GALNT13: variants seen among roughly 807,000 people sequenced by gnomAD.
GALNT13 encodes polypeptide N-acetylgalactosaminyltransferase 13.
In GALNT13, 28 loss-of-function variants were observed where a neutral mutation model predicts 64.2. The observed-to-expected ratio is 0.44, with a 90% CI of 0.32 to 0.60. The LOEUF is 0.60. Ranked by LOEUF, GALNT13 falls within the 20% of genes least tolerant of loss-of-function variation. The pLI, the probability that GALNT13 is intolerant of heterozygous loss-of-function variation, is 0.05. For synonymous variants in GALNT13, 214 were observed against 224.6 expected, an observed-to-expected ratio of 0.95 and a Z score of 0.42; for missense variants, 577 against 669.8, an observed-to-expected ratio of 0.86 and a Z score of 1.53.
chr2:153,216,939 C>T, the GALNT13 span, among the ~76,000 whole-genome samples: 2 of 151,892 alleles, frequency 1.3e-5, no homozygotes, highest in African/African-American at 4.8e-5. Flanking sequence ...TTAGGTTTTA[C>T]ATTTAGTTCT....
the GALNT13 span, among the ~76,000 whole-genome samples, chr2:153,540,923 A>C: frequency 1.3e-5 from 2 of 152,088 alleles, no homozygotes; most frequent in Non-Finnish European, 2.9e-5. Flanking sequence ...CTCAGATGAG[A>C]CTTTGGACTT....
the GALNT13 span, among the ~76,000 whole-genome samples, chr2:153,209,805 A>G: frequency 2.0e-5 from 3 of 152,260 alleles, no homozygotes; most frequent in African/African-American, 7.2e-5. Flanking sequence ...GTTTGAGAAC[A>G]GTGTTTCTTT....
chr2:154,033,131 A>T (rs933157876), intron 3 of GALNT13, among the ~76,000 whole-genome samples: 1 of 151,942 alleles, frequency 6.6e-6, no homozygotes, highest in Non-Finnish European at 1.5e-5. Flanking sequence ...AGAGATCTAT[A>T]TCTAAAAAAT....
At chr2:153,867,745 A>T (rs543272625), upstream of GALNT13, among the ~76,000 whole-genome samples, 15 of 151,902 alleles carry the variant, frequency 9.9e-5, no homozygotes, top group South Asian at 1.9e-3. Flanking sequence ...ATAGTGACAG[A>T]TCATCAGGCA....
the GALNT13 span, among the ~76,000 whole-genome samples, chr2:153,364,519 T>C: frequency 6.6e-6 from 1 of 152,346 alleles, no homozygotes; most frequent in South Asian, 2.1e-4. Flanking sequence ...CATAAGCTGA[T>C]AAGCAACTTC....
the GALNT13 span, among the ~76,000 whole-genome samples, chr2:153,357,068 A>G: frequency 6.6e-6 from 1 of 152,100 alleles, no homozygotes. Context: ...TTGGCCTCCC[A>G]AAGTGCTGGG....
intron 3 of GALNT13, among the ~76,000 whole-genome samples, chr2:153,977,271 A>C (rs1558885317): frequency 6.6e-6 from 1 of 152,154 alleles, no homozygotes; most frequent in African/African-American, 2.4e-5. Flanking sequence ...TTACCATGCT[A>C]CTTGTATTAG....
At chr2:154,418,856 C>T (rs1700136196) in intron 11 of GALNT13, among the ~76,000 whole-genome samples, 1 of 152,140 alleles carries the variant, frequency 6.6e-6, no homozygotes, top group South Asian at 2.1e-4. Flanking sequence ...CATCCTGATA[C>T]TTCTAAACAT....
the GALNT13 span, among the ~76,000 whole-genome samples, chr2:153,098,056 A>T: frequency 6.6e-6 from 1 of 152,176 alleles, no homozygotes; most frequent in South Asian, 2.1e-4. Flanking sequence ...ACAGAGTGAG[A>T]CTCCGTCTCA....
At chr2:154,410,736 C>T (rs183972268) in intron 11 of GALNT13, among the ~76,000 whole-genome samples, 2 of 149,584 alleles carry the variant, frequency 1.3e-5, no homozygotes, top group Non-Finnish European at 3.0e-5. Flanking sequence ...GTTTGAACAA[C>T]TTATGGCAAA....
the GALNT13 span, among the ~76,000 whole-genome samples, chr2:153,480,840 CCTT>C: frequency 3.2e-4 from 49 of 152,212 alleles, no homozygotes; most frequent in East Asian, 7.3e-3. Flanking sequence ...ATGGAGAGCC[CCTT>C]CTTTATGTGA....
the GALNT13 span, among the ~76,000 whole-genome samples, chr2:153,655,195 G>C: frequency 6.6e-6 from 1 of 152,088 alleles, no homozygotes; most frequent in Non-Finnish European, 1.5e-5. Context: ...AGATTGTAGA[G>C]TTGATTTATT....
the GALNT13 span, among the ~76,000 whole-genome samples, chr2:153,511,506 G>A: frequency 3.3e-5 from 5 of 152,120 alleles, no homozygotes; most frequent in Non-Finnish European, 5.9e-5. Flanking sequence ...CCAGGCAGGG[G>A]AATGCGTTAG....
chr2:153,905,886 A>G lies in GALNT13; in HGVS notation c.-105+4879A>G, dbSNP rs114765509. On this transcript the variant is annotated intron_variant, in intron 2 of 12. Coordinates refer to ENST00000392825, the MANE Select transcript of GALNT13 (RefSeq NM_052917.4). The stretch of plus-strand genomic sequence containing the variant: ...TACAAACACTGTGATAACTTTAGCA[A>G]TCAATCTGATAACCGATATGGCTAC... Among the ~76,000 whole-genome samples, 387 of 152,066 alleles carry G rather than the reference A, an allele frequency of 2.5e-3. 4 individuals carry two copies. Among genetic ancestry groups the G allele is most frequent in the African/African-American group, 8.5e-3 (353 of 41,540 alleles).
chr2:153,773,330 T>C, the GALNT13 span, among the ~76,000 whole-genome samples: 15 of 152,294 alleles, frequency 9.8e-5, no homozygotes, highest in South Asian at 3.1e-3. Context: ...ACAGAACTAG[T>C]TCTGGCACTT....
chr2:153,909,840 G>A (rs1688821935), intron 2 of GALNT13, among the ~76,000 whole-genome samples: 1 of 152,002 alleles, frequency 6.6e-6, no homozygotes, highest in African/African-American at 2.4e-5. Flanking sequence ...CTGGTATTTT[G>A]TTGAGGATTT....
At chr2:153,258,873 G>T in the GALNT13 span, among the ~76,000 whole-genome samples, 1 of 152,068 alleles carries the variant, frequency 6.6e-6, no homozygotes, top group African/African-American at 2.4e-5. Context: ...CTAACATATG[G>T]TCTATCCTTG....
intron 3 of GALNT13, among the ~76,000 whole-genome samples, chr2:153,985,003 A>G (rs1390541579): frequency 6.6e-6 from 1 of 151,974 alleles, no homozygotes; most frequent in Non-Finnish European, 1.5e-5. Flanking sequence ...CATTTGAGGA[A>G]GTTCCTTAAT....
At chr2:154,418,956 T>C (rs890079789) in intron 11 of GALNT13, among the ~76,000 whole-genome samples, 1 of 152,116 alleles carries the variant, frequency 6.6e-6, no homozygotes, top group Non-Finnish European at 1.5e-5. Context: ...TTAGAGATTC[T>C]ATTTTAACTC....
Sources: gnomAD v4.1 joint callset for allele counts (sites outside exome capture counted in the v4.1 genomes callset) on GRCh38, gnomAD v4.1.1 for gene constraint, MANE v1.5 for transcripts, NCBI Gene and HGNC (gene_info 2026-07-23, HGNC 2026-07-21) for gene names.